The following KAT6B variants were observed in gnomAD, a reference collection of about 807,000 sequenced individuals.
The protein encoded by KAT6B is histone acetyltransferase KAT6B.
KAT6B carries 10 observed loss-of-function variants against 187.5 expected under a neutral mutation model. That is an observed-to-expected ratio of 0.05 (90% CI 0.03 to 0.09). The LOEUF is 0.09. KAT6B is among the 10% of genes least tolerant of loss of function. The pLI, the probability that KAT6B is intolerant of heterozygous loss-of-function variation, is 1.00. For missense variants in KAT6B, 1,952 were observed against 2,558.9 expected, an observed-to-expected ratio of 0.76 and a Z score of 5.12; for synonymous variants, 861 against 926.8, an observed-to-expected ratio of 0.93 and a Z score of 1.29.
At chr10:74,904,960 C>T (rs1205487421) in intron 3 of KAT6B, among the ~76,000 whole-genome samples, 2 of 151,932 alleles carry the variant, frequency 1.3e-5, no homozygotes, top group South Asian at 2.1e-4. Flanking sequence ...ATTTTGAAGA[C>T]GTAACTTAAA....
intron 13 of KAT6B, among the ~76,000 whole-genome samples, chr10:75,000,329 G>C (rs997778479): frequency 6.6e-6 from 1 of 152,034 alleles, no homozygotes; most frequent in African/African-American, 2.4e-5. Context: ...GAGCAGCGCT[G>C]ATGGAAAAAA....
At chr10:74,986,538 A>G (rs747918270) in intron 12 of KAT6B, among the ~76,000 whole-genome samples, 78 of 152,254 alleles carry the variant, frequency 5.1e-4, no homozygotes, top group Admixed American at 1.1e-3. Context: ...TTAAGAATCA[A>G]CCCAAAGATC....
intron 3 of KAT6B, among the ~76,000 whole-genome samples, chr10:74,884,575 A>AT (rs11414871): frequency 0.3 from 45,040 of 150,390 alleles, 12,055 homozygotes; most frequent in African/African-American, 0.71. Context: ...GGTTTTCAAG[A>AT]TTTTTTTTTT....
chr10:74,977,271 T>A (rs1589741248), intron 8 of KAT6B, 45 bp from the exon 9 acceptor site: 1 of 1,605,340 alleles, frequency 6.2e-7, no homozygotes, highest in Non-Finnish European at 8.5e-7. Flanking sequence ...TGGTTACTCA[T>A]GATTCAAGTC....
In KAT6B at chr10:74,975,593, A is replaced by G; in HGVS notation, c.1256A>G (p.Tyr419Cys). 3.1e-6 allele frequency: 5 copies of G among 1,614,086 alleles called. No homozygotes were observed. Among genetic ancestry groups the G allele is most frequent in the Non-Finnish European group, 4.2e-6 (5 of 1,180,016 alleles). The change falls in exon 8 of 18, where the codon TAC (tyrosine) becomes TGC (cysteine). Residue 419 changes from tyrosine to cysteine, a missense_variant. Transcript: ENST00000287239. The part of the protein sequence containing the change: ...ATTKITTTST[Y>C]ISASTLKVNK... ...ACCAAAATCACCACCACCTCCACCT[A>G]CATTTCTGCCTCTACACTTAAAGTT... is the stretch of plus-strand genomic sequence containing the variant.
At chr10:74,831,840 T>C (rs1019538097) in intron 1 of KAT6B, among the ~76,000 whole-genome samples, 3 of 152,228 alleles carry the variant, frequency 2.0e-5, no homozygotes, top group East Asian at 3.8e-4. Flanking sequence ...GAGACTTAGA[T>C]TGATTTAGTA....
intron 3 of KAT6B, among the ~76,000 whole-genome samples, chr10:74,907,923 A>G (rs1846892820): frequency 6.6e-6 from 1 of 152,196 alleles, no homozygotes; most frequent in Non-Finnish European, 1.5e-5. Flanking sequence ...TGTCCCCTCC[A>G]AAACTTACAT....
chr10:74,901,780 A>C (rs1412316677), intron 3 of KAT6B, among the ~76,000 whole-genome samples: 4 of 152,216 alleles, frequency 2.6e-5, no homozygotes, highest in Non-Finnish European at 5.9e-5. Context: ...GATTTGAAGA[A>C]GTAAAAACAA....
chr10:75,025,387 C>A (rs572113616), intron 17 of KAT6B, 138 bp downstream of exon 17: 6 of 750,394 alleles, frequency 8.0e-6, no homozygotes, highest in Non-Finnish European at 1.3e-5. Flanking sequence ...GCCCATCTGC[C>A]CTTTCCCATC....
At chr10:74,865,725 A>G (rs970103838) in intron 3 of KAT6B, among the ~76,000 whole-genome samples, 6 of 152,150 alleles carry the variant, frequency 3.9e-5, no homozygotes, top group African/African-American at 9.7e-5. Flanking sequence ...TGTGTTGCCC[A>G]GGCTGGTCTT....
At chr10:74,955,170 A>C (rs1300723270) in intron 3 of KAT6B, among the ~76,000 whole-genome samples, 1 of 152,218 alleles carries the variant, frequency 6.6e-6, no homozygotes, top group Non-Finnish European at 1.5e-5. Context: ...CTAATACAAT[A>C]TAAATGCTAT....
chr10:74,894,623 G>A (rs963018635), intron 3 of KAT6B, among the ~76,000 whole-genome samples: 3 of 152,114 alleles, frequency 2.0e-5, no homozygotes, highest in African/African-American at 7.2e-5. Context: ...TTGTTGCTAA[G>A]AGTTTGATTA....
rs750317212 is a variant in KAT6B at position 75,025,125 on chromosome 10, G to A, written c.3540G>A (p.Val1180=). ...PQLEPTCEIE[V]EEDGRKPVLR... ...TGGAGCCTACCTGTGAGATTGAAGT[G>A]GAGGAAGATGGCAGGAAGCCAGTCC... The change falls in exon 17 of 18, where the codon GTG becomes GTA. Residue 1180 remains valine, a synonymous_variant. Transcript: ENST00000287239. 1 of 1,614,244 alleles carries A rather than the reference G, an allele frequency of 6.2e-7. No individual in the cohort carries two copies. Among genetic ancestry groups the A allele is most frequent in the Non-Finnish European group, 8.5e-7 (1 of 1,180,046 alleles).
rs1235564176 is a variant in KAT6B at position 75,009,872 on chromosome 10, A to G, written c.2630-10710A>G. Among the ~76,000 whole-genome samples the G allele has an allele frequency of 2.6e-5, 4 of 152,310 alleles. No homozygotes were observed. In the South Asian group the frequency reaches 6.2e-4, roughly 24 times the overall value. On this transcript the variant is annotated intron_variant, in intron 13 of 17. Coordinates refer to ENST00000287239, the MANE Select transcript of KAT6B (RefSeq NM_012330.4). ...CAAAATTACCCAGGCGTGGTGGTGC[A>G]TGCCTGTAATCCCAGCTACTCGGGA...
At chr10:74,825,548 C>CG (rs1840125641), upstream of KAT6B, 1 of 154,434 alleles carries the variant, frequency 6.5e-6, no homozygotes, top group Non-Finnish European at 1.4e-5. This position sits in a 1 kb window ranked among gnomAD's most constrained non-coding sequence, Gnocchi z 5.0. Flanking sequence ...GGGTCCCGGG[C>CG]GGGGGGAGCG....
At chr10:74,916,093 C>T (rs1379871385) in intron 3 of KAT6B, among the ~76,000 whole-genome samples, 4 of 152,084 alleles carry the variant, frequency 2.6e-5, no homozygotes, top group Admixed American at 6.5e-5. Context: ...AACCCGGAGG[C>T]GGAGGTTGCA....
intron 3 of KAT6B, among the ~76,000 whole-genome samples, chr10:74,886,962 G>A (rs1484734404): frequency 1.3e-5 from 2 of 152,160 alleles, no homozygotes; most frequent in African/African-American, 4.8e-5. Context: ...TCTTGTAAGG[G>A]AGACCATGTC....
chr10:74,832,774 A>G (rs187808939), intron 1 of KAT6B, among the ~76,000 whole-genome samples: 2 of 151,550 alleles, frequency 1.3e-5, no homozygotes, highest in African/African-American at 4.8e-5. Context: ...TGCTGGGATT[A>G]TAGGCATAAG....
intron 3 of KAT6B, among the ~76,000 whole-genome samples, chr10:74,875,354 T>A (rs527736014): frequency 6.6e-6 from 1 of 152,352 alleles, no homozygotes; most frequent in Admixed American, 6.5e-5. Context: ...AGCTAGTTCT[T>A]ATGTGTAGCA....
Sources: allele counts gnomAD v4.1 joint callset (sites outside exome capture counted in the v4.1 genomes callset), GRCh38; gene constraint gnomAD v4.1.1; non-coding constraint Gnocchi (gnomAD v3.1); transcripts MANE v1.5; gene names NCBI Gene and HGNC (gene_info 2026-07-23, HGNC 2026-07-21).